The following CADM2 variants were observed in gnomAD, a reference collection of about 807,000 sequenced individuals.
CADM2 encodes cell adhesion molecule 2.
In CADM2, 12 loss-of-function variants were observed where a neutral mutation model predicts 49.8. That is an observed-to-expected ratio of 0.24 (90% confidence interval 0.15 to 0.39). CADM2 has a LOEUF of 0.39. Among genes scored for constraint, CADM2 ranks in the 10% least tolerant of loss-of-function variants. The pLI, the probability that CADM2 is intolerant of heterozygous loss-of-function variation, is 1.00. For missense variants in CADM2, 378 were observed against 492.3 expected (o/e 0.77, Z 2.20); for synonymous variants, 214 against 175.4 (o/e 1.22, Z -1.74).
intron 2 of CADM2, among the ~76,000 whole-genome samples, chr3:85,741,840 A>C (rs578202131): frequency 6.6e-6 from 1 of 152,358 alleles, no homozygotes; most frequent in East Asian, 1.9e-4. Flanking sequence ...TTTTCCTTAA[A>C]AAATCATTCT....
chr3:85,025,677 C>T (rs2034691525), intron 1 of CADM2, among the ~76,000 whole-genome samples: 1 of 152,098 alleles, frequency 6.6e-6, no homozygotes, highest in South Asian at 2.1e-4. Context: ...TTACACATGC[C>T]TGTGCACCTG....
intron 3 of CADM2, among the ~76,000 whole-genome samples, chr3:85,832,783 G>A (rs2074239878): frequency 6.6e-6 from 1 of 151,756 alleles, no homozygotes; most frequent in African/African-American, 2.4e-5. Flanking sequence ...TTTTCTATTT[G>A]GATACCTTTT....
intron 1 of CADM2, among the ~76,000 whole-genome samples, chr3:85,509,293 T>C (rs1448853645): frequency 6.6e-6 from 1 of 152,104 alleles, no homozygotes; most frequent in African/African-American, 2.4e-5. Context: ...AAGTAGAAAT[T>C]GTTATGAACT....
intron 1 of CADM2, among the ~76,000 whole-genome samples, chr3:85,361,862 G>A (rs12714625): frequency 0.32 from 48,917 of 152,046 alleles, 8,165 homozygotes; most frequent in South Asian, 0.39. Flanking sequence ...AATTTCCTTT[G>A]TGTTAGTCTG....
At chr3:85,057,007 G>A (rs1465502602) in intron 1 of CADM2, among the ~76,000 whole-genome samples, 1 of 152,088 alleles carries the variant, frequency 6.6e-6, no homozygotes, top group African/African-American at 2.4e-5. Flanking sequence ...AAGTTTCCAT[G>A]TAATTCTAAT....
intron 1 of CADM2, among the ~76,000 whole-genome samples, chr3:85,313,320 T>C (rs1476232908): frequency 6.6e-6 from 1 of 152,236 alleles, no homozygotes; most frequent in African/African-American, 2.4e-5. Flanking sequence ...ATTTATTTTA[T>C]CCCAATAAAT....
chr3:84,995,691 C>A (rs1260065370), intron 1 of CADM2, among the ~76,000 whole-genome samples: 1 of 152,162 alleles, frequency 6.6e-6, no homozygotes, highest in Non-Finnish European at 1.5e-5. Flanking sequence ...AAAGAGATTA[C>A]TTGCCTACAA....
intron 4 of CADM2, among the ~76,000 whole-genome samples, chr3:85,884,867 G>A (rs1278991002): frequency 2.7e-5 from 4 of 149,716 alleles, no homozygotes; most frequent in Admixed American, 1.3e-4. Context: ...TGGGATTACA[G>A]GCACCTGCCA....
intron 2 of CADM2, among the ~76,000 whole-genome samples, chr3:85,774,685 CT>C (rs2070268517): frequency 6.6e-6 from 1 of 151,086 alleles, no homozygotes; most frequent in Non-Finnish European, 1.5e-5. Context: ...CAATTTTAAT[CT>C]TTATTTTACT....
rs547003972 is a variant in CADM2 at position 85,367,246 on chromosome 3, C to A, written c.62-359276C>A. Among the ~76,000 whole-genome samples the A allele has an allele frequency of 2.6e-5, 4 of 152,000 alleles. No individual in the cohort carries two copies. The South Asian group carries it at 8.3e-4, about 32-fold the overall frequency. ...TAAGTCAACATTTATTTATTGCTAA[C>A]CAACACACAAGTAAAATGTCTTTTT... On this transcript the variant is annotated intron_variant, in intron 1 of 9. Coordinates refer to ENST00000383699, the MANE Select transcript of CADM2 (RefSeq NM_001167675.2).
intron 2 of CADM2, among the ~76,000 whole-genome samples, chr3:85,755,487 T>C (rs540728988): frequency 4.6e-5 from 7 of 152,238 alleles, no homozygotes; most frequent in Non-Finnish European, 1.0e-4. Flanking sequence ...AAGTTTTTAC[T>C]GAGACACTTC....
chr3:85,675,027 T>C (rs780818416), intron 1 of CADM2, among the ~76,000 whole-genome samples: 16 of 152,196 alleles, frequency 1.1e-4, no homozygotes, highest in Non-Finnish European at 1.8e-4. Context: ...TTGTGCATTA[T>C]AAAGTATTTG....
At chr3:85,633,797 C>A (rs531891993) in intron 1 of CADM2, among the ~76,000 whole-genome samples, 1 of 151,652 alleles carries the variant, frequency 6.6e-6, no homozygotes, top group South Asian at 2.1e-4. Context: ...AAAAATTAGG[C>A]CAAAAAGTGG....
intron 1 of CADM2, among the ~76,000 whole-genome samples, chr3:85,424,081 G>A (rs1445714612): frequency 6.6e-6 from 1 of 151,996 alleles, no homozygotes; most frequent in East Asian, 1.9e-4. Flanking sequence ...ATAGTTGAAG[G>A]TGTAAAATAT....
intron 5 of CADM2, among the ~76,000 whole-genome samples, chr3:85,909,939 C>T (rs958751760): frequency 2.0e-5 from 3 of 152,110 alleles, no homozygotes; most frequent in Admixed American, 6.6e-5. Flanking sequence ...ATGATTGGCT[C>T]TTCTCAATGT....
intron 1 of CADM2, among the ~76,000 whole-genome samples, chr3:85,138,404 A>T (rs575560354): frequency 1.3e-4 from 20 of 152,188 alleles, no homozygotes; most frequent in African/African-American, 4.6e-4. Context: ...TCTGTTTATG[A>T]TATTAGTAGA....
intron 1 of CADM2, among the ~76,000 whole-genome samples, chr3:85,208,719 C>G (rs1379101622): frequency 6.6e-6 from 1 of 152,074 alleles, no homozygotes; most frequent in Non-Finnish European, 1.5e-5. Context: ...GTGATTATAG[C>G]ATTTGAAATT....
intron 5 of CADM2, among the ~76,000 whole-genome samples, chr3:85,902,299 A>T (rs1376011362): frequency 2.0e-5 from 3 of 151,806 alleles, no homozygotes; most frequent in Non-Finnish European, 4.4e-5. Flanking sequence ...AATATATTTT[A>T]TTTTAAAATC....
chr3:85,734,215 G>A (rs1164312468), intron 2 of CADM2, among the ~76,000 whole-genome samples: 1 of 152,028 alleles, frequency 6.6e-6, no homozygotes, highest in Non-Finnish European at 1.5e-5. Context: ...GAATTCCTGG[G>A]TTCTAGGGTC....
Sources: allele counts gnomAD v4.1 joint callset (sites outside exome capture counted in the v4.1 genomes callset), GRCh38; gene constraint gnomAD v4.1.1; transcripts MANE v1.5; gene names NCBI Gene and HGNC (gene_info 2026-07-23, HGNC 2026-07-21).